Variants in NPAS3 observed in about 807,000 individuals in gnomAD.
NPAS3 encodes the protein neuronal PAS domain protein 3.
NPAS3 carries 14 observed loss-of-function variants against 73.1 expected under a neutral mutation model. That is an observed-to-expected ratio of 0.19 (90% CI 0.13 to 0.30). NPAS3 has a LOEUF of 0.30. Ranked by LOEUF, NPAS3 falls within the 10% of genes least tolerant of loss-of-function variation. The pLI is 1.00. For synonymous variants in NPAS3, 620 were observed against 541.5 expected (o/e 1.14, Z -2.01); for missense variants, 1,096 against 1,250.0 (o/e 0.88, Z 1.86).
At chr14:33,059,142 C>G (rs1016889820) in intron 2 of NPAS3, among the ~76,000 whole-genome samples, 1 of 152,106 alleles carries the variant, frequency 6.6e-6, no homozygotes, top group African/African-American at 2.4e-5. Context: ...CTCTAAGCCC[C>G]AAGTGATTGT....
At chr14:33,561,722 C>A (rs1302133382) in intron 5 of NPAS3, among the ~76,000 whole-genome samples, 2 of 152,158 alleles carry the variant, frequency 1.3e-5, no homozygotes, top group African/African-American at 4.8e-5. Flanking sequence ...CTGCAATGCA[C>A]ATATTCATGT....
chr14:33,438,898 C>T (rs1171154487), intron 4 of NPAS3, among the ~76,000 whole-genome samples: 1 of 152,148 alleles, frequency 6.6e-6, no homozygotes, highest in Non-Finnish European at 1.5e-5. Context: ...CTCCGACAAG[C>T]AATGGATTTT....
intron 5 of NPAS3, among the ~76,000 whole-genome samples, chr14:33,653,447 T>G (rs1419837916): frequency 6.6e-6 from 1 of 152,280 alleles, no homozygotes; most frequent in Non-Finnish European, 1.5e-5. Context: ...TAGTCATTAA[T>G]TTACAGAATC....
chr14:33,465,805 A>G (rs1275186046), intron 4 of NPAS3, among the ~76,000 whole-genome samples: 2 of 152,160 alleles, frequency 1.3e-5, no homozygotes, highest in South Asian at 2.1e-4. Flanking sequence ...AATATATGGC[A>G]TATATTAATT....
chr14:33,445,948 T>TC (rs1555394839), intron 4 of NPAS3, among the ~76,000 whole-genome samples: 10 of 151,818 alleles, frequency 6.6e-5, no homozygotes, highest in African/African-American at 2.4e-4. Flanking sequence ...TTTTTTTTTT[T>TC]CAGAAGATCC....
intron 6 of NPAS3, among the ~76,000 whole-genome samples, chr14:33,682,097 A>C (rs1183363912): frequency 6.6e-6 from 1 of 152,236 alleles, no homozygotes; most frequent in African/African-American, 2.4e-5. Context: ...ATGAAATTAA[A>C]ATGTATAATT....
intron 2 of NPAS3, among the ~76,000 whole-genome samples, chr14:33,172,419 A>T (rs1429251106): frequency 6.6e-6 from 1 of 152,156 alleles, no homozygotes; most frequent in African/African-American, 2.4e-5. Flanking sequence ...TGAATGAAAA[A>T]CAGTTTCTGA....
chr14:33,331,417 C>A (rs1289301103), intron 3 of NPAS3, among the ~76,000 whole-genome samples: 3 of 152,052 alleles, frequency 2.0e-5, no homozygotes. Context: ...CGTTTCATTA[C>A]CATGAAAATA....
intron 5 of NPAS3, among the ~76,000 whole-genome samples, chr14:33,561,711 T>G (rs1036284908): frequency 3.9e-5 from 6 of 152,224 alleles, no homozygotes; most frequent in Non-Finnish European, 8.8e-5. Context: ...TGTTTGTTGT[T>G]CTGCAATGCA....
intron 7 of NPAS3, among the ~76,000 whole-genome samples, chr14:33,761,628 CA>C (rs1384635795): frequency 6.6e-6 from 1 of 152,072 alleles, no homozygotes; most frequent in African/African-American, 2.4e-5. Flanking sequence ...CAGCGTTGGT[CA>C]CAATCAGGGA....
intron 2 of NPAS3, among the ~76,000 whole-genome samples, chr14:33,209,721 G>T (rs2046961242): frequency 6.6e-6 from 1 of 152,108 alleles, no homozygotes; most frequent in Non-Finnish European, 1.5e-5. Flanking sequence ...TGTCTGTCTG[G>T]CTCCTTAGAA....
At position 33,557,290 on chromosome 14, in the gene NPAS3, T is replaced by C. The variant is rs190503482; in HGVS notation, c.469-2831T>C. Among the ~76,000 whole-genome samples, 53 of 152,266 alleles carry C rather than the reference T, an allele frequency of 3.5e-4. 2 individuals are homozygous for C. The highest frequency in any genetic ancestry group is 5.1e-4 in the African/African-American group (21 of 41,558). ...TAGACAGTATTTTATTCCCAAAAGC[T>C]GGTTCCATGGGAAATATTTCGCAGC... On this transcript the variant is annotated intron_variant, in intron 4 of 11. Transcript: ENST00000356141.
intron 4 of NPAS3, among the ~76,000 whole-genome samples, chr14:33,468,091 C>T (rs112266211): frequency 0.012 from 1,792 of 152,264 alleles, 37 homozygotes; most frequent in African/African-American, 0.042. Flanking sequence ...TCCAGGCATG[C>T]AAATGCAATC....
chr14:33,683,803 T>G (rs1035909249), intron 6 of NPAS3, among the ~76,000 whole-genome samples: 1 of 152,240 alleles, frequency 6.6e-6, no homozygotes, highest in African/African-American at 2.4e-5. Context: ...GTCAGCTCTT[T>G]GCCAACAGTT....
chr14:33,569,378 G>A (rs1380217466), intron 5 of NPAS3, among the ~76,000 whole-genome samples: 1 of 152,266 alleles, frequency 6.6e-6, no homozygotes, highest in African/African-American at 2.4e-5. Context: ...AAGGCCCTTG[G>A]CAGAGGTAAC....
intron 3 of NPAS3, among the ~76,000 whole-genome samples, chr14:33,340,379 C>T (rs1320943352): frequency 6.6e-6 from 1 of 152,076 alleles, no homozygotes; most frequent in Admixed American, 6.5e-5. Flanking sequence ...CCTGTAATCC[C>T]AACTACCTGG....
intron 8 of NPAS3, among the ~76,000 whole-genome samples, chr14:33,776,642 C>T (rs1283238330): frequency 6.9e-6 from 1 of 144,302 alleles, no homozygotes; most frequent in Non-Finnish European, 1.5e-5. Context: ...TGAAAAATAC[C>T]TGTATGAAAG....
chr14:33,648,219 A>G (rs766566723), intron 5 of NPAS3, among the ~76,000 whole-genome samples: 7 of 152,230 alleles, frequency 4.6e-5, no homozygotes, highest in Non-Finnish European at 1.0e-4. Context: ...TCTGCCCACT[A>G]CAGGAACAGA....
At chr14:33,615,717 C>G (rs1222815804) in intron 5 of NPAS3, among the ~76,000 whole-genome samples, 2 of 152,042 alleles carry the variant, frequency 1.3e-5, no homozygotes, top group African/African-American at 2.4e-5. Context: ...AAATGGGGAC[C>G]TAGTACACGT....
Sources: gnomAD v4.1 joint callset for allele counts (sites outside exome capture counted in the v4.1 genomes callset) on GRCh38, gnomAD v4.1.1 for gene constraint, MANE v1.5 for transcripts, NCBI Gene and HGNC (gene_info 2026-07-23, HGNC 2026-07-21) for gene names.